GLDC: variants seen among roughly 807,000 people sequenced by gnomAD.
GLDC encodes glycine decarboxylase.
In GLDC, 104 loss-of-function variants were observed where a neutral mutation model predicts 121.3. That is an observed-to-expected ratio of 0.86 (90% CI 0.73 to 1.01). The LOEUF (loss-of-function observed/expected upper bound fraction) is 1.01. Among genes scored for constraint, GLDC ranks in the 50% least tolerant of loss-of-function variants. The probability of loss-of-function intolerance (pLI) is 0.00; values close to 1 mark genes in which losing one functional copy is unlikely to be tolerated. For missense variants in GLDC, 1,429 were observed against 1,306.6 expected (o/e 1.09, Z -1.44); for synonymous variants, 546 against 480.6 (o/e 1.14, Z -1.78).
At chr9:6,558,401 TG>T in intron 17 of GLDC, 157 bp downstream of exon 17, 1 of 811,742 alleles carries the variant, frequency 1.2e-6, no homozygotes, top group Non-Finnish European at 2.1e-6. Context: ...TTCTCCCTGT[TG>T]GTGATGGGAG....
chr9:6,554,022 G>T lies in GLDC; in HGVS notation c.2316-513C>A, dbSNP rs118135290. Among the ~76,000 whole-genome samples the T allele has an allele frequency of 1.5e-3, 233 of 152,152 alleles. 1 individual carries two copies. Among genetic ancestry groups the T allele is most frequent in the Middle Eastern group, 6.8e-3 (2 of 294 alleles). On this transcript the variant is annotated intron_variant, in intron 19 of 24. Transcript: ENST00000321612. ...AAAACAAGAAAGAAGAAAAAAGTAA[G>T]AAGGCCAAGCTTCCAGCAACTCTGA...
At chr9:6,568,570 G>A (rs1261657012) in intron 15 of GLDC, among the ~76,000 whole-genome samples, 4 of 152,146 alleles carry the variant, frequency 2.6e-5, no homozygotes, top group African/African-American at 4.8e-5. Context: ...CCTCCATGCC[G>A]GGCGTGGTGG....
intron 16 of GLDC, among the ~76,000 whole-genome samples, chr9:6,560,099 C>T (rs1000515428): frequency 1.3e-5 from 2 of 152,198 alleles, no homozygotes; most frequent in South Asian, 4.1e-4. Context: ...CTCCAAACAA[C>T]CATGTGGACA....
intron 7 of GLDC, among the ~76,000 whole-genome samples, chr9:6,602,462 T>C (rs904230073): frequency 6.6e-6 from 1 of 151,880 alleles, no homozygotes; most frequent in Non-Finnish European, 1.5e-5. Context: ...CTGCAACCTC[T>C]GCCTTCTGGT....
intron 8 of GLDC, among the ~76,000 whole-genome samples, chr9:6,597,442 C>T (rs960007955): frequency 2.6e-5 from 4 of 152,092 alleles, no homozygotes; most frequent in East Asian, 1.9e-4. Context: ...TTTAGAAAAG[C>T]CAACAAGGCT....
chr9:6,564,151 G>A (rs537839197), intron 16 of GLDC, among the ~76,000 whole-genome samples: 3 of 151,986 alleles, frequency 2.0e-5, no homozygotes, highest in Non-Finnish European at 4.4e-5. Flanking sequence ...AGGAGGCTGA[G>A]GCACAAGAAT....
intron 7 of GLDC, among the ~76,000 whole-genome samples, chr9:6,603,370 A>G (rs1320598204): frequency 1.3e-5 from 2 of 152,086 alleles, no homozygotes; most frequent in Non-Finnish European, 2.9e-5. Flanking sequence ...TAATCCGAGC[A>G]TTTTGGGAGG....
intron 9 of GLDC, 89 bp downstream of exon 9, chr9:6,594,925 A>T: frequency 1.2e-6 from 1 of 818,554 alleles, no homozygotes; most frequent in Non-Finnish European, 2.2e-6. Flanking sequence ...TTAATTTTGC[A>T]TATAGTATTG....
At chr9:6,551,924 T>A (rs1337548082) in intron 20 of GLDC, among the ~76,000 whole-genome samples, 1 of 152,160 alleles carries the variant, frequency 6.6e-6, no homozygotes, top group Non-Finnish European at 1.5e-5. Context: ...GGGGATTTTT[T>A]AAAAATGCAG....
rs368832194 is a variant in GLDC at position 6,644,594 on chromosome 9, G to A, written c.334+20C>T. The A allele has an allele frequency of 6.3e-5, 97 of 1,548,428 alleles. No individual in the cohort carries two copies. Among genetic ancestry groups the A allele is most frequent in the Non-Finnish European group, 8.1e-5 (91 of 1,120,356 alleles). On this transcript the variant is annotated intron_variant, in intron 2 of 24. Transcript: ENST00000321612. ...AGGCCAGAATAATCTAAGTCCAAGG[G>A]AGCCCTCCCGGCCACTTACAAACAG... is the stretch of plus-strand genomic sequence containing the variant.
At chr9:6,587,421 T>C in intron 14 of GLDC, 138 bp from the exon 15 acceptor site, 1 of 693,202 alleles carries the variant, frequency 1.4e-6, no homozygotes, top group Non-Finnish European at 2.5e-6. Context: ...TTAATTTATT[T>C]AAGTTCCACC....
At chr9:6,577,312 G>C (rs1446553870) in intron 15 of GLDC, among the ~76,000 whole-genome samples, 2 of 152,170 alleles carry the variant, frequency 1.3e-5, no homozygotes, top group Non-Finnish European at 2.9e-5. Flanking sequence ...GGTGCCCTGG[G>C]AGACTACCTC....
intron 15 of GLDC, among the ~76,000 whole-genome samples, chr9:6,577,759 A>G (rs148857199): frequency 5.9e-5 from 9 of 151,622 alleles, no homozygotes; most frequent in Non-Finnish European, 1.3e-4. Flanking sequence ...TTATTTCACT[A>G]TATTTTATTT....
At chr9:6,627,130 C>T (rs1400648076) in intron 2 of GLDC, among the ~76,000 whole-genome samples, 2 of 151,790 alleles carry the variant, frequency 1.3e-5, no homozygotes, top group South Asian at 2.1e-4. Context: ...CCCATCTCTA[C>T]TAAAAATACA....
intron 15 of GLDC, among the ~76,000 whole-genome samples, chr9:6,572,258 A>C (rs144377163): frequency 6.6e-6 from 1 of 152,242 alleles, no homozygotes; most frequent in Non-Finnish European, 1.5e-5. Context: ...AAGTATCTGC[A>C]AACTACCATA....
chr9:6,591,850 CAAAGTG>C (rs1415617230), intron 11 of GLDC: 1 of 267,660 alleles, frequency 3.7e-6, no homozygotes, highest in African/African-American at 2.2e-5. Context: ...CCTGACCTCC[CAAAGTG>C]CTGGGATTAC....
At chr9:6,574,393 G>T (rs1310633962) in intron 15 of GLDC, among the ~76,000 whole-genome samples, 1 of 151,762 alleles carries the variant, frequency 6.6e-6, no homozygotes, top group African/African-American at 2.4e-5. Flanking sequence ...CTTGAACCTG[G>T]GAGGTGGAGG....
At chr9:6,641,741 G>C (rs1397547279) in intron 2 of GLDC, among the ~76,000 whole-genome samples, 1 of 152,204 alleles carries the variant, frequency 6.6e-6, no homozygotes. Context: ...AGATTACTGA[G>C]TTATGTGTAA....
chr9:6,562,568 A>C (rs572862111), intron 16 of GLDC, among the ~76,000 whole-genome samples: 1 of 151,626 alleles, frequency 6.6e-6, no homozygotes, highest in Non-Finnish European at 1.5e-5. Flanking sequence ...ATTAAAAAAA[A>C]TTTTTTTTTG....
Sources: gnomAD v4.1 joint callset for allele counts (sites outside exome capture counted in the v4.1 genomes callset) on GRCh38, gnomAD v4.1.1 for gene constraint, MANE v1.5 for transcripts, NCBI Gene and HGNC (gene_info 2026-07-23, HGNC 2026-07-21) for gene names.